FILIP1L: variants seen among roughly 807,000 people sequenced by gnomAD.
FILIP1L encodes the protein filamin A-interacting protein 1-like.
In FILIP1L, 55 loss-of-function variants were observed where a neutral mutation model predicts 96.6. The observed-to-expected ratio is 0.57, with a 90% CI of 0.46 to 0.71. The LOEUF (loss-of-function observed/expected upper bound fraction) is 0.71. FILIP1L is among the 30% of genes least tolerant of loss of function. FILIP1L has a pLI of 0.00. For synonymous variants in FILIP1L, 467 were observed against 473.9 expected, an observed-to-expected ratio of 0.99 and a Z score of 0.19; for missense variants, 1,304 against 1,321.2, an observed-to-expected ratio of 0.99 and a Z score of 0.20.
intron 1 of FILIP1L, among the ~76,000 whole-genome samples, chr3:100,013,006 C>T (rs1198467981): frequency 3.3e-5 from 5 of 151,776 alleles, no homozygotes; most frequent in African/African-American, 9.7e-5. Flanking sequence ...TCATGTTGTC[C>T]GGGCTGATCT....
chr3:99,897,091 G>A (rs1034674970), intron 4 of FILIP1L, among the ~76,000 whole-genome samples: 1 of 152,110 alleles, frequency 6.6e-6, no homozygotes, highest in Admixed American at 6.5e-5. Context: ...AAGCATGGTG[G>A]CTCACGCCTG....
intron 1 of FILIP1L, among the ~76,000 whole-genome samples, chr3:100,074,381 CCTTGTATTAA>C (rs1315341388): frequency 2.0e-5 from 3 of 152,078 alleles, no homozygotes; most frequent in Admixed American, 2.0e-4. Context: ...GGCTTTCTTC[CCTTGTATTAA>C]CTTGTTCTTT....
chr3:100,050,088 G>GA (rs1278157037), intron 1 of FILIP1L, among the ~76,000 whole-genome samples: 1 of 152,180 alleles, frequency 6.6e-6, no homozygotes, highest in African/African-American at 2.4e-5. Flanking sequence ...TAATCACACA[G>GA]ACTCACCTGT....
chr3:100,017,868 C>T (rs1710390707), intron 1 of FILIP1L, among the ~76,000 whole-genome samples: 1 of 152,196 alleles, frequency 6.6e-6, no homozygotes, highest in African/African-American at 2.4e-5. Flanking sequence ...TTCTATTTCT[C>T]AGGCCCATAA....
At chr3:100,062,442 G>A (rs1036181916) in intron 1 of FILIP1L, among the ~76,000 whole-genome samples, 1 of 152,026 alleles carries the variant, frequency 6.6e-6, no homozygotes, top group Non-Finnish European at 1.5e-5. Context: ...AAGATTTTGA[G>A]CCCTTTAAGC....
At chr3:100,093,907 A>C (rs1425488192) in intron 1 of FILIP1L, among the ~76,000 whole-genome samples, 1 of 152,228 alleles carries the variant, frequency 6.6e-6, no homozygotes, top group Non-Finnish European at 1.5e-5. Flanking sequence ...TATTACAAAT[A>C]AAACCACCAT....
Position 99,850,563 on chromosome 3 carries a change from T to G in FILIP1L, c.1113A>C (p.Glu371Asp), listed in dbSNP as rs751008182. The G allele has an allele frequency of 3.1e-5, 50 of 1,613,786 alleles. No individual in the cohort carries two copies. The highest frequency in any genetic ancestry group is 4.2e-5 in the Non-Finnish European group (50 of 1,180,028). The change falls in exon 5 of 6, where the codon GAA (glutamate) becomes GAC (aspartate). Residue 371 changes from glutamate (E) to aspartate (D), a missense_variant. Transcript: ENST00000477258. ...GEYGNAGIMA[E>D]VEELRKRVLD... Reference sequence around the variant, plus strand: ...GCACACGTTTCCTGAGCTCTTCCACTTCAGCCATGATACCAGCGTTTCCAT... The same window carrying G: ...GCACACGTTTCCTGAGCTCTTCCACGTCAGCCATGATACCAGCGTTTCCAT...
chr3:100,020,470 G>T (rs1231206454), intron 1 of FILIP1L, among the ~76,000 whole-genome samples: 3 of 152,112 alleles, frequency 2.0e-5, no homozygotes, highest in Non-Finnish European at 4.4e-5. Context: ...AGACAGAATT[G>T]ATTCATTTAG....
intron 1 of FILIP1L, among the ~76,000 whole-genome samples, chr3:100,045,240 A>C (rs2065260667): frequency 6.6e-6 from 1 of 152,222 alleles, no homozygotes; most frequent in East Asian, 1.9e-4. Flanking sequence ...CTGTGCAAAG[A>C]GGTTGAAAGG....
At chr3:100,049,201 A>G (rs1359572865) in intron 1 of FILIP1L, among the ~76,000 whole-genome samples, 2 of 152,186 alleles carry the variant, frequency 1.3e-5, no homozygotes, top group Non-Finnish European at 2.9e-5. Flanking sequence ...TCTTCTCTAC[A>G]TTATAGAAAC....
intron 1 of FILIP1L, among the ~76,000 whole-genome samples, chr3:100,045,583 G>A (rs903256087): frequency 1.5e-4 from 23 of 151,844 alleles, no homozygotes; most frequent in African/African-American, 5.6e-4. Context: ...ATCTTAAATG[G>A]GACATTTGGA....
At position 99,870,481 on chromosome 3, in the gene FILIP1L, A is replaced by G. The variant is rs866874114; in HGVS notation, c.606-19411T>C. On this transcript the variant is annotated intron_variant, in intron 4 of 5. Transcript: ENST00000477258. ...ACCAGTCAATTAAAATAGAGCAGGGATGGGACCATAATTGAAGTTGTTGTC... is the reference window on the plus strand; with the variant it reads ...ACCAGTCAATTAAAATAGAGCAGGGGTGGGACCATAATTGAAGTTGTTGTC... Among the ~76,000 whole-genome samples the G allele has an allele frequency of 1.5e-4, 23 of 152,320 alleles. No homozygotes were observed. In the Middle Eastern group the frequency reaches 0.01, roughly 68 times the overall value.
chr3:99,871,705 G>T (rs1559669456), intron 4 of FILIP1L, among the ~76,000 whole-genome samples: 2 of 152,210 alleles, frequency 1.3e-5, no homozygotes, highest in Non-Finnish European at 2.9e-5. Context: ...ATGCTTAGCT[G>T]GAAGATACTA....
intron 1 of FILIP1L, among the ~76,000 whole-genome samples, chr3:99,997,029 T>C (rs1340960523): frequency 6.6e-6 from 1 of 152,168 alleles, no homozygotes; most frequent in Non-Finnish European, 1.5e-5. Flanking sequence ...TAGCATTAAA[T>C]GCGTACATCA....
chr3:100,095,131 T>G (rs892557409), intron 1 of FILIP1L, among the ~76,000 whole-genome samples: 1 of 152,168 alleles, frequency 6.6e-6, no homozygotes, highest in Non-Finnish European at 1.5e-5. Flanking sequence ...CAGTCTTGAT[T>G]ACTATAGTTA....
At chr3:100,095,385 G>T (rs934461634) in intron 1 of FILIP1L, among the ~76,000 whole-genome samples, 5 of 151,882 alleles carry the variant, frequency 3.3e-5, no homozygotes, top group Admixed American at 2.6e-4. Flanking sequence ...CTGTATCCGT[G>T]AATTCAACCA....
intron 1 of FILIP1L, among the ~76,000 whole-genome samples, chr3:100,083,077 A>G (rs2065956144): frequency 6.6e-6 from 1 of 152,226 alleles, no homozygotes; most frequent in Non-Finnish European, 1.5e-5. Context: ...AGCAATTTCC[A>G]GGTCTAAATA....
intron 4 of FILIP1L, among the ~76,000 whole-genome samples, chr3:99,893,243 G>A (rs1706146000): frequency 7.0e-6 from 1 of 142,762 alleles, no homozygotes; most frequent in Non-Finnish European, 1.5e-5. Context: ...TCGGCTCACT[G>A]CAACCTCCGC....
chr3:99,960,565 A>G (rs1385041109), intron 1 of FILIP1L, among the ~76,000 whole-genome samples: 4 of 152,158 alleles, frequency 2.6e-5, no homozygotes, highest in Non-Finnish European at 5.9e-5. Context: ...GTCTTGCCCA[A>G]ATCATTCTTT....
Sources: allele counts gnomAD v4.1 joint callset (sites outside exome capture counted in the v4.1 genomes callset), GRCh38; gene constraint gnomAD v4.1.1; transcripts MANE v1.5; gene names NCBI Gene and HGNC (gene_info 2026-07-23, HGNC 2026-07-21).